Variants in BRAP observed in about 807,000 individuals in gnomAD.
The protein encoded by BRAP is BRCA1-associated protein.
A neutral mutation model predicts 73.4 loss-of-function variants in BRAP; 42 were observed. The ratio of observed to expected loss-of-function variants is 0.57; its 90% confidence interval spans 0.45 to 0.74. The LOEUF (loss-of-function observed/expected upper bound fraction) is 0.74, where lower values mean the gene tolerates loss of function less well. Among genes scored for constraint, BRAP ranks in the 30% least tolerant of loss-of-function variants. The probability of loss-of-function intolerance (pLI) is 0.00; values close to 1 mark genes in which losing one functional copy is unlikely to be tolerated. For synonymous variants in BRAP, 255 were observed against 267.4 expected, an observed-to-expected ratio of 0.95 and a Z score of 0.45; for missense variants, 593 against 751.4, an observed-to-expected ratio of 0.79 and a Z score of 2.46.
At chr12:111,674,172 T>C (rs1486397507) in intron 4 of BRAP, among the ~76,000 whole-genome samples, 1 of 152,200 alleles carries the variant, frequency 6.6e-6, no homozygotes, top group African/African-American at 2.4e-5. Context: ...TCACAGACAC[T>C]GTAAGCTTCT....
At chr12:111,651,191 C>A (rs1045528051) in intron 10 of BRAP, among the ~76,000 whole-genome samples, 1 of 147,344 alleles carries the variant, frequency 6.8e-6, no homozygotes, top group Admixed American at 6.7e-5. Context: ...ATTTTCCATA[C>A]AGCCTGCCTA....
chr12:111,654,568 G>C (rs1173932541), intron 10 of BRAP, among the ~76,000 whole-genome samples: 2 of 152,104 alleles, frequency 1.3e-5, no homozygotes, highest in Admixed American at 1.3e-4. Context: ...TGCCTGCCTC[G>C]GCCTCCCAAA....
In BRAP at chr12:111,679,272, G is replaced by C. The variant is rs774819256; in HGVS notation, c.512C>G (p.Ala171Gly). 1 of 1,610,396 alleles carries C rather than the reference G, an allele frequency of 6.2e-7. No individual in the cohort carries two copies. The highest frequency in any genetic ancestry group is 2.2e-5 in the East Asian group (1 of 44,830). ...CTTCATAAGGTCATGACTGGTCATTGCAGCAGGGACTGTGAGAATACACAG... is the reference window on the plus strand; with the variant it reads ...CTTCATAAGGTCATGACTGGTCATTCCAGCAGGGACTGTGAGAATACACAG... ...AMLCILTVPAAMTSHDLMKFV... is the reference protein window; with the variant it reads ...AMLCILTVPAGMTSHDLMKFV... Residue 171 changes from alanine to glycine, a missense_variant, in exon 4 of 12, where the codon GCA becomes GGA. By Grantham distance (60) the Ala-to-Gly change is moderately conservative. Around this residue, in one of 4 missense-constraint regions of BRAP, gnomAD observed 304 missense variants for 337.7 expected, o/e 0.90. Coordinates refer to ENST00000419234, the MANE Select transcript of BRAP (RefSeq NM_006768.5).
chr12:111,644,039 C>T lies in BRAP; in HGVS notation c.*160G>A. On this transcript the variant is annotated 3_prime_UTR_variant, in exon 12 of 12. Transcript: ENST00000419234. ...TCAGCTCTCCAGTCAGCACCCTTTA[C>T]ATTCACTACATCACACACTAGCAAA... 8.6e-7 allele frequency: 1 copy of T among 1,156,448 alleles called. No homozygotes were observed. The highest frequency in any genetic ancestry group is 1.2e-6 in the Non-Finnish European group (1 of 845,092). 71.6% of individuals were successfully genotyped at this position (1,156,448 alleles called of 1,614,324 possible).
intron 10 of BRAP, among the ~76,000 whole-genome samples, chr12:111,652,944 C>T (rs1886382987): frequency 6.6e-6 from 1 of 152,150 alleles, no homozygotes; most frequent in African/African-American, 2.4e-5. Flanking sequence ...CTCTTGACCT[C>T]ATGATCCGCC....
intron 10 of BRAP, among the ~76,000 whole-genome samples, chr12:111,652,318 G>C (rs1335933557): frequency 6.6e-6 from 1 of 152,062 alleles, no homozygotes; most frequent in Non-Finnish European, 1.5e-5. Context: ...CCGCCTCCTG[G>C]GTTCATGCCA....
chr12:111,660,790 T>C, intron 6 of BRAP, 115 bp from the exon 7 acceptor site: 1 of 708,140 alleles, frequency 1.4e-6, no homozygotes, highest in South Asian at 2.4e-5. Flanking sequence ...GCTATTTTTA[T>C]CATAACTAAG....
intron 9 of BRAP, among the ~76,000 whole-genome samples, chr12:111,657,146 C>T (rs952809812): frequency 2.0e-5 from 3 of 152,000 alleles, no homozygotes; most frequent in African/African-American, 4.8e-5. Context: ...CAGGTTCAAG[C>T]GATTCTCCTG....
chr12:111,644,032 C>A lies in BRAP; in HGVS notation c.*167G>T. 1 of 1,089,520 alleles carries A rather than the reference C, an allele frequency of 9.2e-7. No homozygotes were observed. The highest frequency in any genetic ancestry group is 1.3e-6 in the Non-Finnish European group (1 of 784,968). The allele number at this position is 1,089,520 out of a possible 1,614,324, so 67.5% of individuals were successfully genotyped here. On this transcript the variant is annotated 3_prime_UTR_variant, in exon 12 of 12. Transcript: ENST00000419234. The stretch of plus-strand genomic sequence containing the variant: ...CTTTCTATCAGCTCTCCAGTCAGCA[C>A]CCTTTACATTCACTACATCACACAC...
chr12:111,655,817 GGGGACA>G (rs1308383250), intron 9 of BRAP, among the ~76,000 whole-genome samples, 162 bp from the exon 10 acceptor site: 3 of 152,154 alleles, frequency 2.0e-5, no homozygotes, highest in Non-Finnish European at 4.4e-5. Context: ...TACTGGACCA[GGGGACA>G]CAAATGACAT....
chr12:111,654,363 T>C (rs1472046392), intron 10 of BRAP, among the ~76,000 whole-genome samples: 2 of 151,940 alleles, frequency 1.3e-5, no homozygotes, highest in Non-Finnish European at 1.5e-5. Flanking sequence ...TTGCTCAGGC[T>C]GGAGTGCAGT....
At position 111,685,896 on chromosome 12, in the gene BRAP, A is replaced by G. The variant is rs529374424; in HGVS notation, c.-104T>C. Reference sequence around the variant, plus strand: ...GGCCGGCAGCGCCGCCACCACCTCAATGCAGTTGCCGCCGCCTCAGCAGCA... The same window carrying G: ...GGCCGGCAGCGCCGCCACCACCTCAGTGCAGTTGCCGCCGCCTCAGCAGCA... On this transcript the variant is annotated 5_prime_UTR_variant, in exon 1 of 12. Coordinates refer to ENST00000419234, the MANE Select transcript of BRAP (RefSeq NM_006768.5). 3.3e-5 allele frequency: 22 copies of G among 658,614 alleles called. No homozygotes were observed. Among genetic ancestry groups the G allele is most frequent in the Non-Finnish European group, 4.9e-5 (22 of 451,372 alleles). The allele number at this position is 658,614 out of a possible 1,614,324, so 40.8% of individuals were successfully genotyped here. A position where few individuals can be genotyped will look rare whatever the true frequency, so the allele number is the denominator to read the frequency against.
chr12:111,679,473 T>TCTG, intron 3 of BRAP, 133 bp from the exon 4 acceptor site: 1 of 542,478 alleles, frequency 1.8e-6, no homozygotes, highest in Admixed American at 4.2e-5. Flanking sequence ...CTGTTCTATA[T>TCTG]TATACCCCCC....
chr12:111,645,125 G>A (rs569354714), intron 11 of BRAP, among the ~76,000 whole-genome samples: 17 of 150,814 alleles, frequency 1.1e-4, no homozygotes, highest in African/African-American at 4.1e-4. Flanking sequence ...CTGGAATGCA[G>A]TGGCGTGATC....
intron 3 of BRAP, among the ~76,000 whole-genome samples, chr12:111,680,693 A>G (rs1887565988): frequency 6.7e-6 from 1 of 149,032 alleles, no homozygotes; most frequent in Admixed American, 6.7e-5. Flanking sequence ...CCCTGTCTCA[A>G]AAAAAAACAA....
chr12:111,669,898 C>T (rs1887103721), intron 5 of BRAP: 2 of 646,572 alleles, frequency 3.1e-6, no homozygotes, highest in South Asian at 1.7e-5. Context: ...TTATATTTCG[C>T]TCCCATAGCT....
At chr12:111,674,522 C>T (rs866033856) in intron 4 of BRAP, among the ~76,000 whole-genome samples, 2 of 152,184 alleles carry the variant, frequency 1.3e-5, no homozygotes, top group Non-Finnish European at 2.9e-5. Context: ...GGATTACAGG[C>T]GTGAGCCACC....
intron 4 of BRAP, 107 bp downstream of exon 4, chr12:111,679,044 C>T: frequency 1.3e-6 from 1 of 756,830 alleles, no homozygotes; most frequent in Non-Finnish European, 1.9e-6. Flanking sequence ...GAAGACATCT[C>T]AAGAATCTTA....
At chr12:111,674,510 T>C (rs1351535430) in intron 4 of BRAP, among the ~76,000 whole-genome samples, 5 of 152,212 alleles carry the variant, frequency 3.3e-5, no homozygotes, top group African/African-American at 1.2e-4. Flanking sequence ...CCCAAAGTGT[T>C]AGGATTACAG....
Sources: gnomAD v4.1 joint callset for allele counts (sites outside exome capture counted in the v4.1 genomes callset) on GRCh38, gnomAD v4.1.1 for gene constraint, gnomAD v4.1.1 regional missense constraint, MANE v1.5 for transcripts, NCBI Gene and HGNC (gene_info 2026-07-23, HGNC 2026-07-21) for gene names.